NKIRAS1: variants seen among roughly 807,000 people sequenced by gnomAD.
NKIRAS1 encodes the protein NF-kappa-B inhibitor-interacting Ras-like protein 1.
Under a neutral mutation model 19.8 loss-of-function variants are expected in NKIRAS1, and 16 were observed. The ratio of observed to expected loss-of-function variants is 0.81; its 90% CI spans 0.55 to 1.23. NKIRAS1 has a LOEUF of 1.23. Among genes scored for constraint, NKIRAS1 ranks in the 50% most tolerant of loss-of-function variants. NKIRAS1 has a pLI of 0.00. For missense variants in NKIRAS1, 184 were observed against 220.0 expected (o/e 0.84, Z 1.04); for synonymous variants, 88 against 79.0 (o/e 1.11, Z -0.61).
chr3:23,945,594 G>A (rs1326251626), intron 1 of NKIRAS1: 63 of 1,177,192 alleles, frequency 5.4e-5, no homozygotes, highest in Non-Finnish European at 6.7e-5. Flanking sequence ...GGTGAATGCA[G>A]GTAAGAACCG....
chr3:23,920,445 C>A (rs994791067), upstream of NKIRAS1: 3 of 985,276 alleles, frequency 3.0e-6, no homozygotes, highest in African/African-American at 5.2e-5. Flanking sequence ...CCTAAAAATC[C>A]TTACCATTCC....
chr3:23,925,664 A>G (rs1052153841), intron 1 of NKIRAS1, among the ~76,000 whole-genome samples: 4 of 152,068 alleles, frequency 2.6e-5, no homozygotes, highest in African/African-American at 9.7e-5. Flanking sequence ...AAATAAATGT[A>G]CTTTTACTCA....
intron 1 of NKIRAS1, among the ~76,000 whole-genome samples, chr3:23,944,772 C>T (rs1053375055): frequency 1.4e-5 from 2 of 141,098 alleles, no homozygotes; most frequent in Admixed American, 1.6e-4. Context: ...CTAGAGGGTG[C>T]AGAGGGAAAG....
intron 1 of NKIRAS1, chr3:23,916,569 G>C (rs1704485197): frequency 6.6e-6 from 1 of 152,308 alleles, no homozygotes; most frequent in African/African-American, 2.4e-5. Flanking sequence ...GCAGTCTGGA[G>C]CTGAAGGGAC....
At chr3:23,914,701 A>C (rs1016323444) in intron 1 of NKIRAS1, among the ~76,000 whole-genome samples, 1 of 152,220 alleles carries the variant, frequency 6.6e-6, no homozygotes, top group Non-Finnish European at 1.5e-5. Flanking sequence ...GGAATCTCAA[A>C]ATCAACTGGA....
chr3:23,911,885 C>T (rs1396849102), intron 1 of NKIRAS1, among the ~76,000 whole-genome samples: 1 of 151,638 alleles, frequency 6.6e-6, no homozygotes, highest in Non-Finnish European at 1.5e-5. Flanking sequence ...GCCTCAATCT[C>T]CCAAGTAGCT....
intron 4 of NKIRAS1, among the ~76,000 whole-genome samples, chr3:23,895,798 C>T (rs1406078848): frequency 6.6e-6 from 1 of 152,130 alleles, no homozygotes; most frequent in Non-Finnish European, 1.5e-5. Context: ...TCCCCACTTT[C>T]CTTTCACCTG....
chr3:23,920,001 A>C, upstream of NKIRAS1: 2 of 986,924 alleles, frequency 2.0e-6, no homozygotes, highest in Non-Finnish European at 2.4e-6. Flanking sequence ...ATTCACATAA[A>C]AGGTGAAAGC....
At chr3:23,937,165 A>G (rs576482281) in intron 1 of NKIRAS1, among the ~76,000 whole-genome samples, 36 of 145,594 alleles carry the variant, frequency 2.5e-4, no homozygotes, top group Non-Finnish European at 4.7e-4. Context: ...AGATCACTTG[A>G]GGCTAGAGTT....
At chr3:23,908,431 G>A (rs1337676802) in intron 3 of NKIRAS1, among the ~76,000 whole-genome samples, 13 of 152,096 alleles carry the variant, frequency 8.5e-5, no homozygotes, top group Non-Finnish European at 1.9e-4. Context: ...ATATCTGTGT[G>A]CGGCTGGATT....
At chr3:23,898,135 C>T (rs1702163627) in intron 4 of NKIRAS1, among the ~76,000 whole-genome samples, 1 of 151,980 alleles carries the variant, frequency 6.6e-6, no homozygotes, top group Admixed American at 6.6e-5. Flanking sequence ...TAAATAATTA[C>T]AGCATTTGCC....
At chr3:23,912,833 C>T (rs1703899367) in intron 1 of NKIRAS1, among the ~76,000 whole-genome samples, 1 of 152,020 alleles carries the variant, frequency 6.6e-6, no homozygotes, top group Non-Finnish European at 1.5e-5. Flanking sequence ...AAATATGCCA[C>T]ATACGTCGGG....
At chr3:23,944,856 G>A (rs1319396038) in intron 1 of NKIRAS1, among the ~76,000 whole-genome samples, 3 of 151,162 alleles carry the variant, frequency 2.0e-5, no homozygotes, top group South Asian at 2.1e-4. Flanking sequence ...GGTGGGGGGC[G>A]CAAGGGTTGA....
chr3:23,930,722 A>G (rs1575130694), intron 1 of NKIRAS1, among the ~76,000 whole-genome samples: 1 of 152,206 alleles, frequency 6.6e-6, no homozygotes, highest in African/African-American at 2.4e-5. Flanking sequence ...ATTTTCTGAG[A>G]CAGGGTCGTA....
At chr3:23,914,193 G>T (rs1704063246) in intron 1 of NKIRAS1, among the ~76,000 whole-genome samples, 1 of 149,614 alleles carries the variant, frequency 6.7e-6, no homozygotes. Flanking sequence ...AAAACAGAGA[G>T]TAAATATATG....
chr3:23,921,570 G>GTTGTTTTTTTTTTTTTTT, upstream of NKIRAS1: 1 of 508,322 alleles, frequency 2.0e-6, no homozygotes, highest in Non-Finnish European at 3.5e-6. Flanking sequence ...TGATTATTGA[G>GTTGTTTTTTTTTTTTTTT]TTTTTTTTTT....
intron 3 of NKIRAS1, among the ~76,000 whole-genome samples, chr3:23,902,320 T>C (rs993473542): frequency 1.3e-5 from 2 of 152,192 alleles, no homozygotes; most frequent in Non-Finnish European, 2.9e-5. Flanking sequence ...AATAATCACA[T>C]GGTAATACAT....
At position 23,940,142 on chromosome 3, in the gene NKIRAS1, C is replaced by G. The variant is rs202186905; in HGVS notation, c.-140+6181G>C. 5.2e-5 allele frequency among the ~76,000 whole-genome samples: 6 copies of G among 115,092 alleles called. No individual in the cohort carries two copies. The East Asian group carries it at 1.5e-3, about 30-fold the overall frequency. 75.5% of individuals were successfully genotyped at this position (115,092 alleles called of 152,430 possible). A position where few individuals can be genotyped will look rare whatever the true frequency, so the allele number is the denominator to read the frequency against. On this transcript the variant is annotated intron_variant, in intron 1 of 4. Coordinates refer to the NKIRAS1 transcript ENST00000421515. ...GGCCATGAATTCAAGACTAGCCTGG[C>G]AACACAGGAAGACTCCCATCTCTAC...
At chr3:23,945,597 A>G in intron 1 of NKIRAS1, 1 of 1,170,250 alleles carries the variant, frequency 8.5e-7, no homozygotes, top group Non-Finnish European at 1.1e-6. Flanking sequence ...GAATGCAGGT[A>G]AGAACCGGAC....
Sources: allele counts gnomAD v4.1 joint callset (sites outside exome capture counted in the v4.1 genomes callset), GRCh38; gene constraint gnomAD v4.1.1; transcripts MANE v1.5; gene names NCBI Gene and HGNC (gene_info 2026-07-23, HGNC 2026-07-21).